The following SP3 variants were observed in gnomAD, a reference collection of about 807,000 sequenced individuals.
SP3 encodes the protein Sp3 transcription factor.
A neutral mutation model predicts 70.3 loss-of-function variants in SP3; 10 were observed. That is an observed-to-expected ratio of 0.14 (90% CI 0.09 to 0.24). The LOEUF is 0.24. Among genes scored for constraint, SP3 ranks in the 10% least tolerant of loss-of-function variants. SP3 has a pLI of 1.00. For missense variants in SP3, 825 were observed against 914.6 expected, an observed-to-expected ratio of 0.90 and a Z score of 1.26; for synonymous variants, 402 against 333.5, an observed-to-expected ratio of 1.21 and a Z score of -2.24.
chr2:173,937,381 C>T (rs999942382), intron 4 of SP3, among the ~76,000 whole-genome samples: 1 of 152,096 alleles, frequency 6.6e-6, no homozygotes, highest in African/African-American at 2.4e-5. Flanking sequence ...GGGAAATAGC[C>T]TAAACAGTCA....
At chr2:173,964,744 TGCCTGTAA>T in intron 1 of SP3, 191 bp from the exon 2 acceptor site, 1 of 368,464 alleles carries the variant, frequency 2.7e-6, no homozygotes, top group Non-Finnish European at 4.7e-6. Context: ...CGCCCGCCGC[TGCCTGTAA>T]CCCTCCTCCT....
In SP3 at chr2:173,963,806, C is replaced by CTCG. The variant is rs1691168639; in HGVS notation, c.231_233dup (p.Asp77dup). 2.7e-6 allele frequency: 4 copies of CTCG among 1,455,704 alleles called. No individual in the cohort carries two copies. In the Admixed American group the frequency reaches 8.9e-5, roughly 33 times the overall value. 90.2% of individuals were successfully genotyped at this position (1,455,704 alleles called of 1,614,324 possible). A position where few individuals can be genotyped will look rare whatever the true frequency, so the allele number is the denominator to read the frequency against. On this transcript the variant is annotated inframe_insertion, in exon 3 of 7. Coordinates refer to ENST00000310015, the MANE Select transcript of SP3 (RefSeq NM_003111.5). ...CCCCGGCTGCGGCGGCCGCCTCCTCCTCGTCGTCGCCCGGCGATGGCGGCC... is the reference window on the plus strand; with the variant it reads ...CCCCGGCTGCGGCGGCCGCCTCCTCCTCGTCGTCGTCGCCCGGCGATGGCGGCC...
At chr2:173,925,925 A>G (rs1383916434) in intron 4 of SP3, among the ~76,000 whole-genome samples, 1 of 152,230 alleles carries the variant, frequency 6.6e-6, no homozygotes, top group African/African-American at 2.4e-5. Flanking sequence ...TATCCAATAA[A>G]CAGCAGGAAA....
chr2:173,905,919 G>A lies in SP3; in HGVS notation c.*4022C>T, dbSNP rs1384556701. ...GAGGCCGAAGTGGGGAGGATTGCTTGAGACCAGTAAGTGGAGTCTGCAGTA... is the reference window on the plus strand; with the variant it reads ...GAGGCCGAAGTGGGGAGGATTGCTTAAGACCAGTAAGTGGAGTCTGCAGTA... On this transcript the variant is annotated 3_prime_UTR_variant, in exon 7 of 7. Coordinates refer to ENST00000310015, the MANE Select transcript of SP3 (RefSeq NM_003111.5). Among the ~76,000 whole-genome samples the A allele has an allele frequency of 6.6e-6, 1 of 152,164 alleles. No homozygotes were observed. The highest frequency in any genetic ancestry group is 1.5e-5 in the Non-Finnish European group (1 of 68,030).
intron 1 of SP3, 142 bp from the exon 2 acceptor site, chr2:173,964,695 G>T: frequency 4.9e-6 from 2 of 405,914 alleles, no homozygotes; most frequent in Non-Finnish European, 4.3e-6. Flanking sequence ...CGGCGGCGGC[G>T]GCGGCGGCGG....
chr2:173,947,644 T>A (rs1399632324), intron 4 of SP3, among the ~76,000 whole-genome samples: 2 of 152,242 alleles, frequency 1.3e-5, no homozygotes, highest in Non-Finnish European at 2.9e-5. Flanking sequence ...CATACTGATT[T>A]TCAAAGTCTT....
chr2:173,930,751 G>C (rs1447672985), intron 4 of SP3, among the ~76,000 whole-genome samples: 2 of 152,126 alleles, frequency 1.3e-5, no homozygotes, highest in African/African-American at 4.8e-5. Flanking sequence ...TGCCACAGTT[G>C]AAGTTTTTTG....
At position 173,955,878 on chromosome 2, in the gene SP3, G is replaced by T. The variant is rs1474271018; in HGVS notation, c.634C>A (p.Gln212Lys). The T allele has an allele frequency of 6.2e-7, 1 of 1,614,034 alleles. No homozygotes were observed. Among genetic ancestry groups the T allele is most frequent in the Admixed American group, 1.7e-5 (1 of 60,002 alleles). Residue 212 changes from glutamine (Q) to lysine (K), a missense_variant, in exon 4 of 7, where the codon CAA becomes AAA. Around this residue, in one of 4 missense-constraint regions of SP3, gnomAD observed 678 missense variants for 651.6 expected, o/e 1.04. Transcript: ENST00000310015. ...SQIQIIPGSNQTLLASGTPSA... is the reference protein window; with the variant it reads ...SQIQIIPGSNKTLLASGTPSA... ...GGTGTTCCAGAGGCAAGTAAGGTTT[G>T]ATTAGAGCCAGGAATGATCTGAATT... is the stretch of plus-strand genomic sequence containing the variant.
intron 4 of SP3, among the ~76,000 whole-genome samples, chr2:173,943,728 T>C (rs1690446780): frequency 6.6e-6 from 1 of 152,242 alleles, no homozygotes; most frequent in Admixed American, 6.5e-5. Context: ...AAGAGGGACT[T>C]AGTCTTTTTC....
intron 4 of SP3, among the ~76,000 whole-genome samples, chr2:173,945,234 A>G (rs999801553): frequency 1.3e-5 from 2 of 152,226 alleles, no homozygotes; most frequent in Admixed American, 1.3e-4. Flanking sequence ...TAAAGGTCAC[A>G]CAATGCATTT....
rs147302107 is a variant in SP3 at position 173,905,791 on chromosome 2, G to A, written c.*4150C>T. Among the ~76,000 whole-genome samples, 316 of 152,256 alleles carry A rather than the reference G, an allele frequency of 2.1e-3. 2 individuals carry two copies. Among genetic ancestry groups the A allele is most frequent in the African/African-American group, 7.0e-3 (292 of 41,540 alleles). ...AGGTGGAAGGATCACTTGAGCCCAGGAATTCAAGACCAGCCTAGGCAATAT... is the reference window on the plus strand; with the variant it reads ...AGGTGGAAGGATCACTTGAGCCCAGAAATTCAAGACCAGCCTAGGCAATAT... On this transcript the variant is annotated 3_prime_UTR_variant, in exon 7 of 7. Transcript: ENST00000310015.
chr2:173,952,256 G>T (rs903582630), intron 4 of SP3, among the ~76,000 whole-genome samples: 3 of 152,038 alleles, frequency 2.0e-5, no homozygotes, highest in Admixed American at 2.0e-4. Flanking sequence ...GAAAAAAGTG[G>T]TTTTTTAAAG....
intron 3 of SP3, among the ~76,000 whole-genome samples, chr2:173,958,504 G>A (rs1263604323): frequency 6.6e-6 from 1 of 150,706 alleles, no homozygotes; most frequent in African/African-American, 2.4e-5. Context: ...CTAGAGCAAA[G>A]TGATGTATTC....
rs34329180 is a variant in SP3, at chr2:173,901,695, C to CTTTTTT, written c.*8240_*8245dup. On this transcript the variant is annotated 3_prime_UTR_variant, in exon 7 of 7. Transcript: ENST00000310015. ...GGGAAACAGTTAGTTGGACTTAAGC[C>CTTTTTT]TTTTTTTTTTTTTTTTTTTTTTTTG... is the stretch of plus-strand genomic sequence containing the variant. 1.2e-4 allele frequency among the ~76,000 whole-genome samples: 9 copies of CTTTTTT among 74,958 alleles called. No homozygotes were observed. The highest frequency in any genetic ancestry group is 1.9e-4 in the Non-Finnish European group (8 of 41,262). 49.2% of individuals were successfully genotyped at this position (74,958 alleles called of 152,430 possible). A position where few individuals can be genotyped will look rare whatever the true frequency, so the allele number is the denominator to read the frequency against.
intron 3 of SP3, among the ~76,000 whole-genome samples, chr2:173,962,151 G>C (rs1691109385): frequency 2.6e-5 from 4 of 152,106 alleles, no homozygotes; most frequent in Admixed American, 2.6e-4. Flanking sequence ...GCCACAGCTG[G>C]CTAAGGTTGG....
intron 2 of SP3, 64 bp downstream of exon 2, chr2:173,964,341 A>C: frequency 1.0e-5 from 6 of 595,618 alleles, no homozygotes; most frequent in South Asian, 3.4e-5. Context: ...GAGGGAGGGG[A>C]GAGGCGAGGG....
chr2:173,909,746 C>T lies in SP3; in HGVS notation c.*195G>A, dbSNP rs1378476240. 8 of 462,118 alleles carry T rather than the reference C, an allele frequency of 1.7e-5. No homozygotes were observed. The highest frequency in any genetic ancestry group is 3.1e-5 in the Non-Finnish European group (8 of 260,234). The allele number at this position is 462,118 out of a possible 1,614,324, so 28.6% of individuals were successfully genotyped here. A position where few individuals can be genotyped will look rare whatever the true frequency, so the allele number is the denominator to read the frequency against. On this transcript the variant is annotated 3_prime_UTR_variant, in exon 7 of 7. Coordinates refer to ENST00000310015, the MANE Select transcript of SP3 (RefSeq NM_003111.5). ...CTAGATTCCAAAAGTACCTACAAAA[C>T]CCATGCAATTTTACCATTTTTAATA...
At chr2:173,931,050 G>A (rs1690051602) in intron 4 of SP3, among the ~76,000 whole-genome samples, 1 of 152,108 alleles carries the variant, frequency 6.6e-6, no homozygotes, top group Non-Finnish European at 1.5e-5. Flanking sequence ...CAGTACATAT[G>A]TTTATACTAT....
intron 4 of SP3, among the ~76,000 whole-genome samples, chr2:173,937,450 C>G (rs1046608069): frequency 6.6e-6 from 1 of 152,042 alleles, no homozygotes; most frequent in Non-Finnish European, 1.5e-5. Context: ...ACTTGTGAAT[C>G]AAGTAAGTAT....
Sources: gnomAD v4.1 joint callset for allele counts (sites outside exome capture counted in the v4.1 genomes callset) on GRCh38, gnomAD v4.1.1 for gene constraint, gnomAD v4.1.1 regional missense constraint, MANE v1.5 for transcripts, NCBI Gene and HGNC (gene_info 2026-07-23, HGNC 2026-07-21) for gene names.